Variants in PCGF5 observed in about 807,000 individuals in gnomAD.
The protein encoded by PCGF5 is polycomb group ring finger 5.
In PCGF5, 9 loss-of-function variants were observed where a neutral mutation model predicts 44.3. That is an observed-to-expected ratio of 0.20 (90% CI 0.12 to 0.35). The LOEUF is 0.35. PCGF5 is among the 10% of genes least tolerant of loss of function. PCGF5 has a pLI of 1.00. For missense variants in PCGF5, 146 were observed against 305.3 expected (o/e 0.48, Z 3.89); for synonymous variants, 95 against 102.5 (o/e 0.93, Z 0.44).
chr10:91,164,178 C>T (rs990189373), intron 1 of PCGF5, among the ~76,000 whole-genome samples: 1 of 152,214 alleles, frequency 6.6e-6, no homozygotes, highest in African/African-American at 2.4e-5. Context: ...GCAGTGATGA[C>T]GCCCGGAGGG....
At position 91,248,492 on chromosome 10, in the gene PCGF5, C is replaced by T. The variant is rs185923538; in HGVS notation, c.210-13C>T. On this transcript the variant is annotated splice_polypyrimidine_tract_variant and intron_variant, in intron 3 of 9. Transcript: ENST00000336126. Reference sequence around the variant, plus strand: ...CTTCATTGTTAGTATTTTCTTTCTCCCCCCTTTCGAAGGTTGGACAATACA... The same window carrying T: ...CTTCATTGTTAGTATTTTCTTTCTCTCCCCTTTCGAAGGTTGGACAATACA... The T allele has an allele frequency of 1.7e-5, 27 of 1,607,060 alleles. No homozygotes were observed. In the African/African-American group the frequency reaches 3.3e-4, roughly 20 times the overall value.
At chr10:91,189,456 C>A (rs149833811) in intron 1 of PCGF5, among the ~76,000 whole-genome samples, 1 of 151,342 alleles carries the variant, frequency 6.6e-6, no homozygotes, top group Non-Finnish European at 1.5e-5. Flanking sequence ...TATAAGATTT[C>A]TCTGTAAATT....
intron 8 of PCGF5, among the ~76,000 whole-genome samples, chr10:91,270,236 A>G (rs996329364): frequency 8.5e-5 from 13 of 152,228 alleles, no homozygotes; most frequent in Non-Finnish European, 1.9e-4. Context: ...ATCCTGATTT[A>G]GTTTTATCTC....
rs958896966 is a variant in PCGF5 at position 91,284,306 on chromosome 10, G to A, written c.*5990G>A. ...TTAATATTAGTCACTGTAGATTGCA[G>A]CCTTCATTAAAAATATCTCCTTTAA... On this transcript the variant is annotated 3_prime_UTR_variant, in exon 10 of 10. Coordinates refer to ENST00000336126, the MANE Select transcript of PCGF5 (RefSeq NM_032373.5). 1 of 152,432 alleles carries A rather than the reference G, an allele frequency of 6.6e-6. No homozygotes were observed. The highest frequency in any genetic ancestry group is 2.4e-5 in the African/African-American group (1 of 41,378). 9.4% of individuals were successfully genotyped at this position (152,432 alleles called of 1,614,324 possible). A position where few individuals can be genotyped will look rare whatever the true frequency, so the allele number is the denominator to read the frequency against.
Position 91,241,847 on chromosome 10 carries a change from G to A in PCGF5, c.209+1267G>A, listed in dbSNP as rs1386725559. ...GCCTGTTTGGGATAATTTGTCTACAGGTAAATGTCTAGCCCTGTGGTTTTC... is the reference window on the plus strand; with the variant it reads ...GCCTGTTTGGGATAATTTGTCTACAAGTAAATGTCTAGCCCTGTGGTTTTC... On this transcript the variant is annotated intron_variant, in intron 3 of 9. Coordinates refer to ENST00000336126, the MANE Select transcript of PCGF5 (RefSeq NM_032373.5). Among the ~76,000 whole-genome samples the A allele has an allele frequency of 2.0e-5, 3 of 152,050 alleles. No individual in the cohort carries two copies. In the East Asian group the frequency reaches 5.8e-4, roughly 29 times the overall value.
intron 1 of PCGF5, among the ~76,000 whole-genome samples, chr10:91,207,801 T>A (rs12220699): frequency 0.25 from 38,567 of 152,102 alleles, 5,791 homozygotes; most frequent in East Asian, 0.71. Context: ...TCCAAATGAT[T>A]ATAGTCAGGA....
chr10:91,194,156 C>T (rs551472849), intron 1 of PCGF5, among the ~76,000 whole-genome samples: 51 of 152,254 alleles, frequency 3.3e-4, no homozygotes, highest in African/African-American at 1.2e-3. Flanking sequence ...GAATAATGGC[C>T]TCTAAAGATG....
intron 1 of PCGF5, among the ~76,000 whole-genome samples, chr10:91,188,105 G>C (rs1219213912): frequency 6.6e-6 from 1 of 152,230 alleles, no homozygotes; most frequent in East Asian, 1.9e-4. Context: ...AACAGCTCCG[G>C]TCTACAGCTC....
intron 2 of PCGF5, among the ~76,000 whole-genome samples, chr10:91,237,553 G>C (rs566452997): frequency 6.6e-6 from 1 of 152,254 alleles, no homozygotes; most frequent in African/African-American, 2.4e-5. Flanking sequence ...GACCAGCCTG[G>C]CTAACATGGC....
chr10:91,274,212 T>A (rs1179837986), intron 9 of PCGF5, among the ~76,000 whole-genome samples: 1 of 152,172 alleles, frequency 6.6e-6, no homozygotes, highest in Non-Finnish European at 1.5e-5. Flanking sequence ...AACACACTTT[T>A]ACCAGATCTT....
chr10:91,176,638 C>T lies in PCGF5; in HGVS notation c.-184+13557C>T, dbSNP rs1187642087. Reference sequence around the variant, plus strand: ...TTCATTCTTTTTTCTCTAAACTTCTCGCTTCATTTCATTCATTTGATCTTC... The same window carrying T: ...TTCATTCTTTTTTCTCTAAACTTCTTGCTTCATTTCATTCATTTGATCTTC... On this transcript the variant is annotated intron_variant, in intron 1 of 9. Transcript: ENST00000614189. Among the ~76,000 whole-genome samples, 4 of 152,142 alleles carry T rather than the reference C, an allele frequency of 2.6e-5. No homozygotes were observed. The South Asian group carries it at 6.2e-4, about 24-fold the overall frequency.
intron 1 of PCGF5, among the ~76,000 whole-genome samples, chr10:91,213,348 A>AT (rs1435222529): frequency 6.6e-6 from 1 of 152,234 alleles, no homozygotes; most frequent in African/African-American, 2.4e-5. Flanking sequence ...ATGTATTTGT[A>AT]TATACGTATG....
At chr10:91,226,086 T>C (rs1844826939) in intron 2 of PCGF5, among the ~76,000 whole-genome samples, 1 of 152,024 alleles carries the variant, frequency 6.6e-6, no homozygotes, top group African/African-American at 2.4e-5. Flanking sequence ...TCTACAATGT[T>C]ATGATGCTAC....
intron 1 of PCGF5, among the ~76,000 whole-genome samples, chr10:91,164,532 G>A (rs1843462409): frequency 6.6e-6 from 1 of 152,186 alleles, no homozygotes; most frequent in Non-Finnish European, 1.5e-5. Flanking sequence ...AACTGGTTCT[G>A]AAGTAATTAG....
upstream of PCGF5, among the ~76,000 whole-genome samples, chr10:91,159,656 T>C (rs769635301): frequency 1.3e-5 from 2 of 152,248 alleles, no homozygotes; most frequent in Non-Finnish European, 2.9e-5. Context: ...TAGTTTGTTA[T>C]GGCAGTCTGA....
upstream of PCGF5, among the ~76,000 whole-genome samples, chr10:91,218,340 T>C (rs988937742): frequency 6.6e-6 from 1 of 152,148 alleles, no homozygotes; most frequent in Admixed American, 6.5e-5. Flanking sequence ...CCCCTGGTCC[T>C]ATATCCAGTT....
intron 9 of PCGF5, among the ~76,000 whole-genome samples, chr10:91,273,380 A>G (rs1441842847): frequency 6.6e-6 from 1 of 152,232 alleles, no homozygotes; most frequent in Non-Finnish European, 1.5e-5. Context: ...GTTGATGCCT[A>G]TGTATTTCCT....
intron 1 of PCGF5, among the ~76,000 whole-genome samples, chr10:91,211,808 A>T (rs1844457452): frequency 6.6e-6 from 1 of 152,184 alleles, no homozygotes; most frequent in African/African-American, 2.4e-5. Context: ...CGAGTTGTTA[A>T]AGTAGAGGCT....
intron 6 of PCGF5, among the ~76,000 whole-genome samples, chr10:91,251,644 T>C (rs1235756503): frequency 6.6e-6 from 1 of 152,044 alleles, no homozygotes; most frequent in African/African-American, 2.4e-5. Context: ...AATGCCACCA[T>C]CTAGTGGCTA....
Sources: allele counts gnomAD v4.1 joint callset (sites outside exome capture counted in the v4.1 genomes callset), GRCh38; gene constraint gnomAD v4.1.1; transcripts MANE v1.5; gene names NCBI Gene and HGNC (gene_info 2026-07-23, HGNC 2026-07-21).